DIAPH3: variants seen among roughly 807,000 people sequenced by gnomAD.
DIAPH3 encodes protein diaphanous homolog 3.
Under a neutral mutation model 144.3 loss-of-function variants are expected in DIAPH3, and 117 were observed. The observed-to-expected ratio is 0.81, with a 90% CI of 0.70 to 0.95. The LOEUF is 0.95. Among genes scored for constraint, DIAPH3 ranks in the 40% least tolerant of loss-of-function variants. The pLI, the probability that DIAPH3 is intolerant of heterozygous loss-of-function variation, is 0.00. For synonymous variants in DIAPH3, 519 were observed against 488.9 expected, an observed-to-expected ratio of 1.06 and a Z score of -0.81; for missense variants, 1,421 against 1,412.7, an observed-to-expected ratio of 1.01 and a Z score of -0.09.
intron 17 of DIAPH3, among the ~76,000 whole-genome samples, chr13:59,941,922 G>A (rs142453152): frequency 9.2e-5 from 14 of 152,184 alleles, no homozygotes; most frequent in African/African-American, 3.1e-4. Flanking sequence ...TATAAAACAC[G>A]TATTTCTATT....
intron 27 of DIAPH3, among the ~76,000 whole-genome samples, chr13:59,674,330 A>C (rs1466025284): frequency 6.6e-6 from 1 of 152,196 alleles, no homozygotes; most frequent in Non-Finnish European, 1.5e-5. Flanking sequence ...ACCTTGTTTG[A>C]CATAAAATTG....
chr13:59,991,254 T>C lies in DIAPH3; in HGVS notation c.1265A>G (p.Asn422Ser), dbSNP rs763152099. ...TTCTTTAACTGTGCTCCACACCATG[T>C]TGTAAACATCATATGCTTCAGTGAG... is the stretch of plus-strand genomic sequence containing the variant. ...AELDEAYDVY[N>S]MVWSTVKETR... Residue 422 changes from asparagine (N) to serine (S), a missense_variant, in exon 12 of 28, where the codon AAC becomes AGC. Coordinates refer to ENST00000400324, the MANE Select transcript of DIAPH3 (RefSeq NM_001042517.2). The C allele has an allele frequency of 3.7e-6, 6 of 1,609,468 alleles. No individual in the cohort carries two copies. Among genetic ancestry groups the C allele is most frequent in the Non-Finnish European group, 5.1e-6 (6 of 1,176,890 alleles).
intron 27 of DIAPH3, among the ~76,000 whole-genome samples, chr13:59,721,223 T>C (rs2035327245): frequency 1.3e-5 from 2 of 152,172 alleles, no homozygotes; most frequent in African/African-American, 4.8e-5. Flanking sequence ...CCAGCTGATA[T>C]GAAAATTTGA....
intron 9 of DIAPH3, among the ~76,000 whole-genome samples, chr13:59,996,227 C>A (rs1053827230): frequency 6.6e-6 from 1 of 152,044 alleles, no homozygotes; most frequent in Non-Finnish European, 1.5e-5. Flanking sequence ...CCATATGCAG[C>A]CAGTAAACAA....
At chr13:59,794,963 C>A (rs1395787523) in intron 25 of DIAPH3, among the ~76,000 whole-genome samples, 1 of 152,254 alleles carries the variant, frequency 6.6e-6, no homozygotes, top group African/African-American at 2.4e-5. Context: ...ATGCCTCAGT[C>A]TGCAAGACAT....
At chr13:59,828,221 C>T (rs967567509) in intron 24 of DIAPH3, among the ~76,000 whole-genome samples, 1 of 151,918 alleles carries the variant, frequency 6.6e-6, no homozygotes, top group African/African-American at 2.4e-5. Flanking sequence ...AAGATGCTGA[C>T]CCTCTATCCT....
intron 16 of DIAPH3, among the ~76,000 whole-genome samples, 167 bp from the exon 17 acceptor site, chr13:59,970,225 T>C (rs1318797139): frequency 6.6e-6 from 1 of 152,206 alleles, no homozygotes; most frequent in Non-Finnish European, 1.5e-5. Flanking sequence ...TTCTGCAGGA[T>C]GTTAAGGTCT....
intron 13 of DIAPH3, among the ~76,000 whole-genome samples, chr13:59,982,782 G>A (rs1230707831): frequency 6.6e-6 from 1 of 151,642 alleles, no homozygotes; most frequent in Non-Finnish European, 1.5e-5. Context: ...TGCAGAATTT[G>A]TAATATCAGG....
chr13:59,842,775 GA>G (rs1311542973), intron 22 of DIAPH3, among the ~76,000 whole-genome samples: 1 of 152,096 alleles, frequency 6.6e-6, no homozygotes, highest in Non-Finnish European at 1.5e-5. Context: ...GCTTTATTAT[GA>G]AGGACACAAC....
chr13:59,953,108 G>C (rs963196555), intron 17 of DIAPH3, among the ~76,000 whole-genome samples: 2 of 152,124 alleles, frequency 1.3e-5, no homozygotes, highest in African/African-American at 4.8e-5. Flanking sequence ...ATTAATTTGG[G>C]AGTTGAGCAT....
At chr13:59,807,809 C>T (rs1032330713) in intron 25 of DIAPH3, among the ~76,000 whole-genome samples, 2 of 151,892 alleles carry the variant, frequency 1.3e-5, no homozygotes, top group Non-Finnish European at 2.9e-5. Context: ...TATAATAAAA[C>T]GTTTCTTTAA....
At chr13:60,136,849 A>G (rs1210674376) in intron 1 of DIAPH3, among the ~76,000 whole-genome samples, 1 of 152,058 alleles carries the variant, frequency 6.6e-6, no homozygotes, top group Non-Finnish European at 1.5e-5. Flanking sequence ...CTGAGACAGG[A>G]GAATGGCGTG....
intron 27 of DIAPH3, among the ~76,000 whole-genome samples, chr13:59,724,576 C>T (rs966889816): frequency 6.6e-6 from 1 of 152,122 alleles, no homozygotes; most frequent in African/African-American, 2.4e-5. Flanking sequence ...TCCTCTTTTT[C>T]CCCTGGCTGT....
At chr13:59,790,926 A>C (rs2039295429) in intron 25 of DIAPH3, among the ~76,000 whole-genome samples, 1 of 152,198 alleles carries the variant, frequency 6.6e-6, no homozygotes, top group Non-Finnish European at 1.5e-5. Context: ...CCACAGTAAA[A>C]GCTGATATTA....
intron 27 of DIAPH3, among the ~76,000 whole-genome samples, chr13:59,709,913 C>T (rs1421919135): frequency 2.0e-5 from 3 of 151,820 alleles, no homozygotes; most frequent in Non-Finnish European, 4.4e-5. Context: ...TACTATGCAG[C>T]CATAAAAAAT....
rs367873013 is a variant in DIAPH3 at position 60,138,875 on chromosome 13, TA to T, written c.181-5887del. On this transcript the variant is annotated intron_variant, in intron 1 of 27. Coordinates refer to ENST00000400324, the MANE Select transcript of DIAPH3 (RefSeq NM_001042517.2). ...AAAAAGGAAAGGATTAGTCTTCTCT[TA>T]ATCATCTTCTCTTAATCATAATCTA... Among the ~76,000 whole-genome samples the T allele has an allele frequency of 1.2e-4, 17 of 145,584 alleles. No individual in the cohort carries two copies. The East Asian group carries it at 2.7e-3, about 23-fold the overall frequency.
At chr13:59,885,710 T>C (rs2045400437) in intron 20 of DIAPH3, among the ~76,000 whole-genome samples, 1 of 152,178 alleles carries the variant, frequency 6.6e-6, no homozygotes, top group Non-Finnish European at 1.5e-5. Flanking sequence ...AGTTTTAGCA[T>C]ACGTAATTAA....
chr13:60,045,453 T>G (rs1053946023), intron 4 of DIAPH3, among the ~76,000 whole-genome samples: 1 of 152,240 alleles, frequency 6.6e-6, no homozygotes, highest in Non-Finnish European at 1.5e-5. Context: ...CATCGTTTGA[T>G]ACCTATTGTT....
At chr13:60,050,555 GGAA>G (rs1192154226) in intron 4 of DIAPH3, among the ~76,000 whole-genome samples, 1 of 152,068 alleles carries the variant, frequency 6.6e-6, no homozygotes, top group East Asian at 1.9e-4. Context: ...AGGAGGAGGA[GGAA>G]GAAGTGAAGA....
Sources: allele counts gnomAD v4.1 joint callset (sites outside exome capture counted in the v4.1 genomes callset), GRCh38; gene constraint gnomAD v4.1.1; transcripts MANE v1.5; gene names NCBI Gene and HGNC (gene_info 2026-07-23, HGNC 2026-07-21).